Variants in CMTM4 observed in about 807,000 individuals in gnomAD.
The protein encoded by CMTM4 is CKLF-like MARVEL transmembrane domain-containing protein 4.
In CMTM4, 8 loss-of-function variants were observed where a neutral mutation model predicts 19.0. That is an observed-to-expected ratio of 0.42 (90% CI 0.25 to 0.76). The LOEUF is 0.76. Ranked by LOEUF, CMTM4 falls within the 30% of genes least tolerant of loss-of-function variation. The pLI is 0.27. For missense variants in CMTM4, 228 were observed against 290.2 expected, an observed-to-expected ratio of 0.79 and a Z score of 1.56; for synonymous variants, 106 against 121.1, an observed-to-expected ratio of 0.88 and a Z score of 0.82.
chr16:66,628,008 T>C (rs1400262923), intron 2 of CMTM4, among the ~76,000 whole-genome samples: 1 of 152,206 alleles, frequency 6.6e-6, no homozygotes, highest in Non-Finnish European at 1.5e-5. Context: ...AAGGAATCTA[T>C]GTCATAATTA....
At chr16:66,612,655 TG>T (rs767789794), downstream of CMTM4, 227 of 1,613,546 alleles carry the variant, frequency 1.4e-4, 3 homozygotes, top group South Asian at 2.3e-3. The surrounding 1 kb of genome is among the most constrained non-coding windows in gnomAD (Gnocchi z 6.0). Flanking sequence ...GCGGGTGCCT[TG>T]GCAACCTGAG....
the CMTM4 span, among the ~76,000 whole-genome samples, chr16:66,600,385 TTAGC>T: frequency 6.6e-6 from 1 of 152,226 alleles, no homozygotes; most frequent in South Asian, 2.1e-4. Context: ...CCTCAGGTGA[TTAGC>T]CCACCTCAGC....
At chr16:66,693,533 A>C (rs1049693766) in intron 1 of CMTM4, among the ~76,000 whole-genome samples, 1 of 152,178 alleles carries the variant, frequency 6.6e-6, no homozygotes, top group African/African-American at 2.4e-5. Context: ...AATTTCTTGG[A>C]GTTTTGTGGG....
rs764454671 is a variant in CMTM4, at chr16:66,620,940, TCCC to T, written c.*1115_*1117del. 12 of 985,658 alleles carry T rather than the reference TCCC, an allele frequency of 1.2e-5. No homozygotes were observed. The highest frequency in any genetic ancestry group is 2.3e-4 in the East Asian group (2 of 8,820). 61.1% of individuals were successfully genotyped at this position (985,658 alleles called of 1,614,324 possible). A position where few individuals can be genotyped will look rare whatever the true frequency, so the allele number is the denominator to read the frequency against. On this transcript the variant is annotated 3_prime_UTR_variant, in exon 4 of 4. Transcript: ENST00000394106. ...AGAAACCTTAAGTAGCTAGGATTTT[TCCC>T]CCCAACAACTCCCAAGAATGATGTC... is the stretch of plus-strand genomic sequence containing the variant.
At chr16:66,660,183 T>C (rs1329417602) in intron 1 of CMTM4, among the ~76,000 whole-genome samples, 1 of 151,474 alleles carries the variant, frequency 6.6e-6, no homozygotes, top group African/African-American at 2.4e-5. Flanking sequence ...AGCCCAGGAG[T>C]TGGAGACCAG....
In CMTM4 at chr16:66,620,074, T is replaced by C. The variant is rs2015601824; in HGVS notation, c.*1984A>G. 2 of 985,338 alleles carry C rather than the reference T, an allele frequency of 2.0e-6. No individual in the cohort carries two copies. Among genetic ancestry groups the C allele is most frequent in the African/African-American group, 3.5e-5 (2 of 57,246 alleles). 61.0% of individuals were successfully genotyped at this position (985,338 alleles called of 1,614,324 possible). A position where few individuals can be genotyped will look rare whatever the true frequency, so the allele number is the denominator to read the frequency against. On this transcript the variant is annotated 3_prime_UTR_variant, in exon 4 of 4. Coordinates refer to ENST00000394106, the MANE Select transcript of CMTM4 (RefSeq NM_181521.3). Reference sequence around the variant, plus strand: ...CAACAAGCCCACCTGAATGGTGTTCTTGTTTTCAATCTCACTTCAAAGATG... The same window carrying C: ...CAACAAGCCCACCTGAATGGTGTTCCTGTTTTCAATCTCACTTCAAAGATG...
intron 1 of CMTM4, among the ~76,000 whole-genome samples, chr16:66,648,699 C>T (rs1028473590): frequency 8.6e-5 from 13 of 150,888 alleles, no homozygotes; most frequent in African/African-American, 1.5e-4. Flanking sequence ...AGGCCGAGCA[C>T]GGTGGCTCAC....
chr16:66,606,836 TAAA>T, the CMTM4 span, among the ~76,000 whole-genome samples: 1 of 151,968 alleles, frequency 6.6e-6, no homozygotes, highest in Non-Finnish European at 1.5e-5. Flanking sequence ...CTACTAAAAA[TAAA>T]AAAATTAGCT....
Position 66,617,158 on chromosome 16 carries a change from C to A in CMTM4, c.*4900G>T, listed in dbSNP as rs1288761778. 5.1e-6 allele frequency: 5 copies of A among 979,788 alleles called. No individual in the cohort carries two copies. The highest frequency in any genetic ancestry group is 1.6e-5 in the African/African-American group (1 of 60,648). 60.7% of individuals were successfully genotyped at this position (979,788 alleles called of 1,614,324 possible). A position where few individuals can be genotyped will look rare whatever the true frequency, so the allele number is the denominator to read the frequency against. ...TGCATCCCAAAGAAAACACGCCACCCCAGGTGTCTAGATAGCAAGTCACCT... is the reference window on the plus strand; with the variant it reads ...TGCATCCCAAAGAAAACACGCCACCACAGGTGTCTAGATAGCAAGTCACCT... On this transcript the variant is annotated 3_prime_UTR_variant, in exon 4 of 4. Transcript: ENST00000394106.
chr16:66,624,933 T>C (rs1373824291), intron 2 of CMTM4, among the ~76,000 whole-genome samples: 17 of 152,202 alleles, frequency 1.1e-4, no homozygotes, highest in Non-Finnish European at 5.9e-5. Context: ...GGGCAAATTT[T>C]TCACAAATTC....
intron 1 of CMTM4, among the ~76,000 whole-genome samples, chr16:66,676,452 G>A (rs1314003075): frequency 6.6e-6 from 1 of 152,110 alleles, no homozygotes; most frequent in African/African-American, 2.4e-5. Context: ...AAAGCATGGG[G>A]AAAGAATGCG....
At chr16:66,679,622 G>A (rs566112442) in intron 1 of CMTM4, among the ~76,000 whole-genome samples, 17 of 151,960 alleles carry the variant, frequency 1.1e-4, no homozygotes, top group Non-Finnish European at 2.2e-4. Flanking sequence ...TCAGGAGTTC[G>A]AGACCAGCCT....
At chr16:66,689,288 C>T (rs944353696) in intron 1 of CMTM4, among the ~76,000 whole-genome samples, 2 of 152,082 alleles carry the variant, frequency 1.3e-5, no homozygotes, top group African/African-American at 4.8e-5. Context: ...TTGTAGATGC[C>T]CTTTTTCAGG....
At chr16:66,634,698 C>T (rs867279269) in intron 2 of CMTM4, among the ~76,000 whole-genome samples, 9 of 152,050 alleles carry the variant, frequency 5.9e-5, no homozygotes, top group Admixed American at 3.3e-4. Context: ...CTGGCCACAG[C>T]GCCCACTGGT....
At chr16:66,628,747 A>C (rs1286913253) in intron 2 of CMTM4, among the ~76,000 whole-genome samples, 3 of 152,150 alleles carry the variant, frequency 2.0e-5, no homozygotes. Flanking sequence ...TCTTCCACTT[A>C]GTATAATGGT....
chr16:66,683,108 G>GTTGTGT (rs1396358082), intron 1 of CMTM4, among the ~76,000 whole-genome samples: 1 of 126,264 alleles, frequency 7.9e-6, no homozygotes, highest in East Asian at 2.4e-4. Flanking sequence ...ATAGAGTCTA[G>GTTGTGT]TTGTGTGTGT....
rs1567401395 is a variant in CMTM4 at position 66,619,236 on chromosome 16, C to G, written c.*2822G>C. On this transcript the variant is annotated 3_prime_UTR_variant, in exon 4 of 4. Transcript: ENST00000394106. The stretch of plus-strand genomic sequence containing the variant: ...CAAAGAGAATCAGAGGGAAAAAATA[C>G]CAAATCCACCCAATCAGTGCCAAAA... 1 of 985,404 alleles carries G rather than the reference C, an allele frequency of 1.0e-6. No homozygotes were observed. Among genetic ancestry groups the G allele is most frequent in the African/African-American group, 1.7e-5 (1 of 57,346 alleles). The allele number at this position is 985,404 out of a possible 1,614,324, so 61.0% of individuals were successfully genotyped here. A position where few individuals can be genotyped will look rare whatever the true frequency, so the allele number is the denominator to read the frequency against.
chr16:66,692,491 G>C (rs570051960), intron 1 of CMTM4, among the ~76,000 whole-genome samples: 1 of 152,320 alleles, frequency 6.6e-6, no homozygotes, highest in Admixed American at 6.5e-5. Flanking sequence ...AGAAGTTCTG[G>C]GGTAAGGCCA....
At position 66,623,508 on chromosome 16, in the gene CMTM4, G is replaced by C; in HGVS notation, c.364-6C>G. On this transcript the variant is annotated splice_polypyrimidine_tract_variant and splice_region_variant and intron_variant, in intron 2 of 3. Transcript: ENST00000394106. Reference sequence around the variant, plus strand: ...AGTCCAGTGTTGACCAAATCCTAAAGGGAGAGACAAAATAAACCAAGTGAA... The same window carrying C: ...AGTCCAGTGTTGACCAAATCCTAAACGGAGAGACAAAATAAACCAAGTGAA... 2.5e-6 allele frequency: 4 copies of C among 1,585,650 alleles called. No homozygotes were observed. The highest frequency in any genetic ancestry group is 3.4e-6 in the Non-Finnish European group (4 of 1,162,526).
Sources: gnomAD v4.1 joint callset for allele counts (sites outside exome capture counted in the v4.1 genomes callset) on GRCh38, gnomAD v4.1.1 for gene constraint, Gnocchi (gnomAD v3.1) non-coding constraint, MANE v1.5 for transcripts, NCBI Gene and HGNC (gene_info 2026-07-23, HGNC 2026-07-21) for gene names.